Variants in LRTM2 observed in about 807,000 individuals in gnomAD.
The protein encoded by LRTM2 is leucine-rich repeat and transmembrane domain-containing protein 2.
LRTM2 carries 18 observed loss-of-function variants against 28.1 expected under a neutral mutation model. The ratio of observed to expected loss-of-function variants is 0.64; its 90% CI spans 0.44 to 0.95. The LOEUF is 0.95. Among genes scored for constraint, LRTM2 ranks in the 40% least tolerant of loss-of-function variants. LRTM2 has a pLI of 0.00. For missense variants in LRTM2, 436 were observed against 497.2 expected, an observed-to-expected ratio of 0.88 and a Z score of 1.17; for synonymous variants, 250 against 218.7, an observed-to-expected ratio of 1.14 and a Z score of -1.26.
Position 1,833,727 on chromosome 12 carries a change from AG to A in LRTM2, c.659-536del, listed in dbSNP as rs1281549948. Among the ~76,000 whole-genome samples the A allele has an allele frequency of 1.3e-4, 20 of 152,290 alleles. No homozygotes were observed. Among genetic ancestry groups the A allele is most frequent in the Non-Finnish European group, 2.1e-4 (14 of 68,010 alleles). Reference sequence around the variant, plus strand: ...TAGGCAACCAAAAGGTCTTGCGTGGAGGGGCAGCGGCAGGGGCAGTGGGTTT... The same window carrying A: ...TAGGCAACCAAAAGGTCTTGCGTGGAGGGCAGCGGCAGGGGCAGTGGGTTT... On this transcript the variant is annotated intron_variant, in intron 4 of 4. Transcript: ENST00000299194. This position sits in a 1 kb window ranked among gnomAD's most constrained non-coding sequence, Gnocchi z 4.2.
intron 1 of LRTM2, among the ~76,000 whole-genome samples, chr12:1,825,581 C>G (rs926040712): frequency 1.3e-5 from 2 of 152,212 alleles, no homozygotes; most frequent in African/African-American, 4.8e-5. Flanking sequence ...TGCTGGAGTG[C>G]TGCCAGCCAG....
Position 1,834,457 on chromosome 12 carries a change from T to TGAGCCG in LRTM2, c.861_866dup (p.Glu288_Pro289dup). The TGAGCCG allele has an allele frequency of 1.2e-6, 2 of 1,611,550 alleles. No homozygotes were observed. The highest frequency in any genetic ancestry group is 1.1e-5 in the South Asian group (1 of 91,066). Reference sequence around the variant, plus strand: ...AGCCTGCTAAGCCCAAGCCCGGGGCTGAGCCGGAGCCGGAGCCCAGCACAG... The same window carrying TGAGCCG: ...AGCCTGCTAAGCCCAAGCCCGGGGCTGAGCCGGAGCCGGAGCCGGAGCCCAGCACAG... On this transcript the variant is annotated inframe_insertion, in exon 5 of 5. Coordinates refer to ENST00000299194, the MANE Select transcript of LRTM2 (RefSeq NM_001039029.3). The surrounding 1 kb of genome is among the most constrained non-coding windows in gnomAD (Gnocchi z 7.6).
rs998161657 is a variant in LRTM2 at position 1,836,031 on chromosome 12, C to T, written c.*1310C>T. On this transcript the variant is annotated 3_prime_UTR_variant, in exon 5 of 5. Transcript: ENST00000299194. ...CCTGCCAGCTTATTGCAGACAGAGC[C>T]CAGGAGCAGGAGCGGGTGGCCACGT... 2 of 152,242 alleles carry T rather than the reference C, an allele frequency of 1.3e-5. No homozygotes were observed. Among genetic ancestry groups the T allele is most frequent in the Non-Finnish European group, 2.9e-5 (2 of 68,086 alleles). The allele number at this position is 152,242 out of a possible 1,614,324, so 9.4% of individuals were successfully genotyped here. A position where few individuals can be genotyped will look rare whatever the true frequency, so the allele number is the denominator to read the frequency against.
intron 1 of LRTM2, among the ~76,000 whole-genome samples, chr12:1,823,518 T>C (rs1864194899): frequency 1.3e-5 from 2 of 152,096 alleles, no homozygotes; most frequent in Admixed American, 6.5e-5. Flanking sequence ...CAGCTCCGCA[T>C]GTGGAACCCC....
chr12:1,830,285 C>T (rs1864562816), intron 3 of LRTM2, among the ~76,000 whole-genome samples: 1 of 152,214 alleles, frequency 6.6e-6, no homozygotes, highest in Non-Finnish European at 1.5e-5. Flanking sequence ...GGCTCTAAAT[C>T]CTCATGCCAA....
At chr12:1,825,524 A>G (rs73046071) in intron 1 of LRTM2, among the ~76,000 whole-genome samples, 13,074 of 152,204 alleles carry the variant, frequency 0.086, 800 homozygotes, top group Non-Finnish European at 0.13. Context: ...GCATTTGGGA[A>G]CTTAGAGGCA....
chr12:1,831,486 C>T lies in LRTM2; in HGVS notation c.619C>T (p.Arg207Cys), dbSNP rs754176760. The change falls in exon 4 of 5, where the codon CGT becomes TGT. Residue 207 changes from arginine (R) to cysteine (C), a missense_variant. Arg to Cys is a radical substitution (Grantham distance 180). Coordinates refer to ENST00000299194, the MANE Select transcript of LRTM2 (RefSeq NM_001039029.3). ...DNPWECDCNL[R>C]EFKHWMEWFS... ...CCCCTGGGAGTGTGACTGTAACCTG[C>T]GTGAGTTCAAACACTGGATGGAGTG... is the stretch of plus-strand genomic sequence containing the variant. 2.5e-6 allele frequency: 4 copies of T among 1,613,844 alleles called. No homozygotes were observed. The highest frequency in any genetic ancestry group is 2.2e-5 in the East Asian group (1 of 44,878).
At chr12:1,825,509 T>C (rs1469703928) in intron 1 of LRTM2, among the ~76,000 whole-genome samples, 5 of 152,162 alleles carry the variant, frequency 3.3e-5, no homozygotes, top group Non-Finnish European at 1.5e-5. Flanking sequence ...ATCTGTCTGT[T>C]GGGGGCATTT....
chr12:1,834,095 A>G lies in LRTM2; in HGVS notation c.659-172A>G, dbSNP rs1258394309. ...AACTCACTGTGGACTTGGCTCAATC[A>G]ATGCTGTTTTCCCTCCTCCGCTTCC... On this transcript the variant is annotated intron_variant, in intron 4 of 4. Coordinates refer to ENST00000299194, the MANE Select transcript of LRTM2 (RefSeq NM_001039029.3). The surrounding 1 kb of genome is among the most constrained non-coding windows in gnomAD (Gnocchi z 7.6). 6.6e-6 allele frequency among the ~76,000 whole-genome samples: 1 copy of G among 152,214 alleles called. No homozygotes were observed. Among genetic ancestry groups the G allele is most frequent in the Non-Finnish European group, 1.5e-5 (1 of 68,034 alleles).
chr12:1,828,276 T>C lies in LRTM2; in HGVS notation c.67+61T>C. The C allele has an allele frequency of 1.4e-6, 2 of 1,414,772 alleles. No individual in the cohort carries two copies. Among genetic ancestry groups the C allele is most frequent in the Non-Finnish European group, 1.9e-6 (2 of 1,047,578 alleles). The allele number at this position is 1,414,772 out of a possible 1,614,324, so 87.6% of individuals were successfully genotyped here. A position where few individuals can be genotyped will look rare whatever the true frequency, so the allele number is the denominator to read the frequency against. The stretch of plus-strand genomic sequence containing the variant: ...TTGGGTGGGGGTGCCGAGGTGACTG[T>C]AGGTAGCGCCATATGGGACCTTAGC... On this transcript the variant is annotated intron_variant, in intron 3 of 4. Coordinates refer to ENST00000299194, the MANE Select transcript of LRTM2 (RefSeq NM_001039029.3). The surrounding 1 kb of genome is among the most constrained non-coding windows in gnomAD (Gnocchi z 4.2).
chr12:1,825,725 G>T, intron 1 of LRTM2, among the ~76,000 whole-genome samples: 1 of 152,220 alleles, frequency 6.6e-6, no homozygotes, highest in Non-Finnish European at 1.5e-5. Context: ...GGAGGCCTGT[G>T]TGTGTGCCCT....
In LRTM2 at chr12:1,827,731, A is replaced by G. The variant is rs115389877; in HGVS notation, c.-74+137A>G. 1,426 of 168,758 alleles carry G rather than the reference A, an allele frequency of 8.4e-3. 27 individuals are homozygous for G. Among genetic ancestry groups the G allele is most frequent in the African/African-American group, 0.032 (1,360 of 42,270 alleles). The allele number at this position is 168,758 out of a possible 1,614,324, so 10.5% of individuals were successfully genotyped here. ...AGTTTCTCCACCCATAACTCAAGGA[A>G]TGCCCAGATGGGAGACCAGGTTGCC... On this transcript the variant is annotated intron_variant, in intron 2 of 4. Transcript: ENST00000299194.
chr12:1,824,680 A>G (rs761633312), intron 1 of LRTM2, among the ~76,000 whole-genome samples: 4 of 152,232 alleles, frequency 2.6e-5, no homozygotes, highest in Admixed American at 2.0e-4. Context: ...AGCAGCTGTC[A>G]GTGCCTGCTG....
At chr12:1,830,699 A>G (rs948173748) in intron 3 of LRTM2, among the ~76,000 whole-genome samples, 1 of 152,146 alleles carries the variant, frequency 6.6e-6, no homozygotes, top group African/African-American at 2.4e-5. Context: ...CCTCTGCCAG[A>G]TGTGTGGCAA....
intron 1 of LRTM2, among the ~76,000 whole-genome samples, chr12:1,822,430 C>A (rs1179225295): frequency 6.6e-6 from 1 of 152,086 alleles, no homozygotes; most frequent in African/African-American, 2.4e-5. Flanking sequence ...AGCCAAGCCT[C>A]CTGTGCCCTG....
intron 1 of LRTM2, among the ~76,000 whole-genome samples, chr12:1,822,553 C>T (rs1864148875): frequency 6.6e-6 from 1 of 152,174 alleles, no homozygotes; most frequent in African/African-American, 2.4e-5. Flanking sequence ...CATGAGGGGC[C>T]ACTCAGGAGG....
Position 1,834,808 on chromosome 12 carries a change from G to T in LRTM2, c.*87G>T, listed in dbSNP as rs1864786186. Reference sequence around the variant, plus strand: ...CAGCTCCCACCTTGACCCGGCGCTGGCCACTGCCTCCCCGAGTCCACCCTC... The same window carrying T: ...CAGCTCCCACCTTGACCCGGCGCTGTCCACTGCCTCCCCGAGTCCACCCTC... On this transcript the variant is annotated 3_prime_UTR_variant, in exon 5 of 5. Transcript: ENST00000299194. This position sits in a 1 kb window ranked among gnomAD's most constrained non-coding sequence, Gnocchi z 7.6. The T allele has an allele frequency of 6.8e-7, 1 of 1,463,830 alleles. No individual in the cohort carries two copies. The highest frequency in any genetic ancestry group is 1.4e-5 in the African/African-American group (1 of 71,322). The allele number at this position is 1,463,830 out of a possible 1,614,324, so 90.7% of individuals were successfully genotyped here.
chr12:1,826,701 C>G (rs1864344217), intron 1 of LRTM2, among the ~76,000 whole-genome samples: 1 of 121,252 alleles, frequency 8.2e-6, no homozygotes. Flanking sequence ...GCAGGCTGCC[C>G]TTGCCGGGGG....
chr12:1,828,966 G>C lies in LRTM2; in HGVS notation c.67+751G>C, dbSNP rs571768381. 4.6e-5 allele frequency among the ~76,000 whole-genome samples: 7 copies of C among 152,202 alleles called. No homozygotes were observed. Among genetic ancestry groups the C allele is most frequent in the African/African-American group, 1.4e-4 (6 of 41,456 alleles). On this transcript the variant is annotated intron_variant, in intron 3 of 4. Coordinates refer to ENST00000299194, the MANE Select transcript of LRTM2 (RefSeq NM_001039029.3). The surrounding 1 kb of genome is among the most constrained non-coding windows in gnomAD (Gnocchi z 4.2). The stretch of plus-strand genomic sequence containing the variant: ...GGTGGCAGGGAGGAAACGGTCCCGC[G>C]GGACGGCATTCCGCCTGACTTCCCG...
Sources: allele counts gnomAD v4.1 joint callset (sites outside exome capture counted in the v4.1 genomes callset), GRCh38; gene constraint gnomAD v4.1.1; non-coding constraint Gnocchi (gnomAD v3.1); transcripts MANE v1.5; gene names NCBI Gene and HGNC (gene_info 2026-07-23, HGNC 2026-07-21).